SCML4: variants seen among roughly 807,000 people sequenced by gnomAD.
SCML4 encodes the protein sex comb on midleg-like protein 4.
Under a neutral mutation model 41.1 loss-of-function variants are expected in SCML4, and 34 were observed. The observed-to-expected ratio is 0.83, with a 90% confidence interval of 0.63 to 1.10. SCML4 has a LOEUF of 1.10. Among genes scored for constraint, SCML4 ranks in the 50% least tolerant of loss-of-function variants. SCML4 has a pLI of 0.00. For missense variants in SCML4, 522 were observed against 534.1 expected, an observed-to-expected ratio of 0.98 and a Z score of 0.22; for synonymous variants, 214 against 220.9, an observed-to-expected ratio of 0.97 and a Z score of 0.28.
At chr6:107,747,747 C>G (rs1778271905) in intron 3 of SCML4, among the ~76,000 whole-genome samples, 1 of 151,774 alleles carries the variant, frequency 6.6e-6, no homozygotes. Flanking sequence ...AATATAAATC[C>G]TTTTTTAGCA....
At chr6:107,765,828 T>C (rs760474143) in intron 2 of SCML4, among the ~76,000 whole-genome samples, 3 of 152,242 alleles carry the variant, frequency 2.0e-5, no homozygotes, top group Non-Finnish European at 4.4e-5. Flanking sequence ...ATTTACACCT[T>C]AGAATCTGGG....
intron 1 of SCML4, among the ~76,000 whole-genome samples, chr6:107,778,158 A>G (rs919579622): frequency 3.5e-5 from 5 of 141,742 alleles, no homozygotes; most frequent in African/African-American, 1.4e-4. Flanking sequence ...ACGCCACTGC[A>G]CTTCAGCCTG....
chr6:107,814,856 C>CA (rs1346452348), intron 1 of SCML4, among the ~76,000 whole-genome samples: 2 of 152,052 alleles, frequency 1.3e-5, no homozygotes, highest in Non-Finnish European at 2.9e-5. Flanking sequence ...CCAGGCCGTA[C>CA]AAAGGTGCTT....
At chr6:107,780,589 C>T (rs1781406379) in intron 1 of SCML4, among the ~76,000 whole-genome samples, 1 of 151,892 alleles carries the variant, frequency 6.6e-6, no homozygotes, top group Non-Finnish European at 1.5e-5. Flanking sequence ...CATCTGTGGT[C>T]CCAGCGACTT....
At chr6:107,748,269 TC>T (rs1778312112) in intron 3 of SCML4, among the ~76,000 whole-genome samples, 1 of 152,128 alleles carries the variant, frequency 6.6e-6, no homozygotes, top group Non-Finnish European at 1.5e-5. Context: ...CTCCCCATCA[TC>T]CTCCCATAAG....
At chr6:107,807,974 G>A (rs1783865979) in intron 1 of SCML4, among the ~76,000 whole-genome samples, 1 of 152,136 alleles carries the variant, frequency 6.6e-6, no homozygotes, top group South Asian at 2.1e-4. Flanking sequence ...ACAGTCTGAG[G>A]GGAGCATAAA....
intron 1 of SCML4, among the ~76,000 whole-genome samples, chr6:107,810,748 C>T (rs1373325712): frequency 6.6e-6 from 1 of 152,108 alleles, no homozygotes; most frequent in African/African-American, 2.4e-5. Flanking sequence ...TTGTTCCCCC[C>T]AACCCCAAAA....
intron 2 of SCML4, among the ~76,000 whole-genome samples, chr6:107,764,878 C>T (rs1207286451): frequency 6.6e-6 from 1 of 152,134 alleles, no homozygotes; most frequent in Non-Finnish European, 1.5e-5. Context: ...AAACCCCTTT[C>T]GCTTGACTCT....
chr6:107,765,504 CA>C (rs1308006157), intron 2 of SCML4, among the ~76,000 whole-genome samples: 19 of 151,866 alleles, frequency 1.3e-4, no homozygotes, highest in African/African-American at 4.6e-4. Context: ...GACTCTGTGT[CA>C]AAAAAATTTT....
At chr6:107,812,540 TTTGAA>T (rs10580340) in intron 1 of SCML4, among the ~76,000 whole-genome samples, 27,527 of 152,074 alleles carry the variant, frequency 0.18, 2,675 homozygotes, top group African/African-American at 0.25. Context: ...GAGATTAATA[TTTGAA>T]CTGGTGGACT....
intron 5 of SCML4, among the ~76,000 whole-genome samples, chr6:107,742,429 T>C (rs756234027): frequency 4.9e-4 from 75 of 152,058 alleles, no homozygotes; most frequent in Non-Finnish European, 8.8e-5. Context: ...AATATGCATG[T>C]ATAGGAAGGG....
At position 107,806,702 on chromosome 6, in the gene SCML4, G is replaced by A. The variant is rs1053263018; in HGVS notation, c.-60+17424C>T. On this transcript the variant is annotated intron_variant, in intron 1 of 7. Transcript: ENST00000369020. ...GGGCCCCTTACCTCCAAATAATCCC[G>A]CCATCTCCCACTGGAGCTCCCACCC... is the stretch of plus-strand genomic sequence containing the variant. 4.1e-4 allele frequency among the ~76,000 whole-genome samples: 63 copies of A among 152,290 alleles called. 1 individual carries two copies. Among genetic ancestry groups the A allele is most frequent in the African/African-American group, 1.4e-3 (57 of 41,556 alleles).
At chr6:107,837,763 C>A in the SCML4 span, among the ~76,000 whole-genome samples, 1 of 152,118 alleles carries the variant, frequency 6.6e-6, no homozygotes, top group Non-Finnish European at 1.5e-5. Flanking sequence ...AGTGCCATAA[C>A]CCTGCCTACT....
chr6:107,830,414 G>A, the SCML4 span, among the ~76,000 whole-genome samples: 1 of 152,148 alleles, frequency 6.6e-6, no homozygotes, highest in Non-Finnish European at 1.5e-5. Flanking sequence ...CTTATCCCAG[G>A]GGCAGCGTCT....
intron 5 of SCML4, among the ~76,000 whole-genome samples, chr6:107,721,658 C>A (rs895959835): frequency 6.6e-6 from 1 of 152,212 alleles, no homozygotes; most frequent in African/African-American, 2.4e-5. Flanking sequence ...CCCCCCTCAC[C>A]TGGCTCAGGA....
At chr6:107,752,389 G>A (rs1274141191) in intron 2 of SCML4, among the ~76,000 whole-genome samples, 1 of 151,994 alleles carries the variant, frequency 6.6e-6, no homozygotes, top group African/African-American at 2.4e-5. Flanking sequence ...ATGTACATTT[G>A]GGAATCATGA....
chr6:107,806,186 T>TCC (rs35905486), intron 1 of SCML4, among the ~76,000 whole-genome samples: 1,693 of 28,782 alleles, frequency 0.059, 43 homozygotes, highest in South Asian at 0.1. Context: ...AACAGAGATT[T>TCC]CCCCCCCCCC....
At chr6:107,716,149 G>C (rs1232850234) in intron 6 of SCML4, among the ~76,000 whole-genome samples, 1 of 152,162 alleles carries the variant, frequency 6.6e-6, no homozygotes, top group African/African-American at 2.4e-5. Context: ...TTTTAGTTGT[G>C]CAAATTTTGT....
At chr6:107,822,909 C>CA (rs11423302) in intron 1 of SCML4, among the ~76,000 whole-genome samples, 39,090 of 151,260 alleles carry the variant, frequency 0.26, 6,966 homozygotes, top group African/African-American at 0.51. Flanking sequence ...CCAAGCAACA[C>CA]AAAAAATGCT....
Sources: allele counts gnomAD v4.1 joint callset (sites outside exome capture counted in the v4.1 genomes callset), GRCh38; gene constraint gnomAD v4.1.1; transcripts MANE v1.5; gene names NCBI Gene and HGNC (gene_info 2026-07-23, HGNC 2026-07-21).